ACE: variants seen among roughly 807,000 people sequenced by gnomAD.
ACE encodes angiotensin-converting enzyme.
Under a neutral mutation model 162.3 loss-of-function variants are expected in ACE, and 122 were observed. The ratio of observed to expected loss-of-function variants is 0.75; its 90% CI spans 0.65 to 0.87. The LOEUF is 0.87. ACE is among the 40% of genes least tolerant of loss of function. ACE has a pLI of 0.00. For missense variants in ACE, 1,799 were observed against 1,735.1 expected (o/e 1.04, Z -0.65); for synonymous variants, 796 against 720.6 (o/e 1.10, Z -1.68).
In ACE at chr17:63,497,553, C is replaced by T. The variant is rs1225743385; in HGVS notation, c.*187C>T. 3 of 705,586 alleles carry T rather than the reference C, an allele frequency of 4.3e-6. No homozygotes were observed. The African/African-American group carries it at 5.2e-5, about 12-fold the overall frequency. The allele number at this position is 705,586 out of a possible 1,614,324, so 43.7% of individuals were successfully genotyped here. ...CCCAGCCCCTTCTCCCAGCACACGG[C>T]TGCCTGACACTGAGCCCCACCTCTC... is the stretch of plus-strand genomic sequence containing the variant. On this transcript the variant is annotated 3_prime_UTR_variant, in exon 25 of 25. Transcript: ENST00000290866.
Position 63,488,737 on chromosome 17 carries a change from C to G in ACE, c.2395C>G (p.Leu799Val). The G allele has an allele frequency of 6.2e-7, 1 of 1,613,814 alleles. No individual in the cohort carries two copies. Among genetic ancestry groups the G allele is most frequent in the Non-Finnish European group, 8.5e-7 (1 of 1,179,980 alleles). ...GWRDKAGRAI[L>V]QFYPKYVELI... ...GCGAGACAAGGCGGGGAGAGCCATC[C>G]TCCAGTTTTACCCGAAATACGTGGA... The change falls in exon 16 of 25, where the codon CTC becomes GTC. Residue 799 changes from leucine to valine, a missense_variant. Transcript: ENST00000290866.
chr17:63,486,469 C>T (rs1196101130), intron 13 of ACE, 88 bp from the exon 14 acceptor site: 2 of 1,485,468 alleles, frequency 1.3e-6, no homozygotes, highest in South Asian at 1.2e-5. Context: ...ACCACCACCT[C>T]CAGCCCTCAG....
In ACE at chr17:63,484,283, C is replaced by T. The variant is rs2147538022; in HGVS notation, c.1710-47C>T. ...ATGTGGGCCGGGGTCCAGGAGCAGACTCCAGCCTGAGTCCCCTGTGCCCAT... is the reference window on the plus strand; with the variant it reads ...ATGTGGGCCGGGGTCCAGGAGCAGATTCCAGCCTGAGTCCCCTGTGCCCAT... On this transcript the variant is annotated intron_variant, in intron 11 of 24. Transcript: ENST00000290866. This position sits in a 1 kb window ranked among gnomAD's most constrained non-coding sequence, Gnocchi z 4.0. 2 of 1,577,342 alleles carry T rather than the reference C, an allele frequency of 1.3e-6. No individual in the cohort carries two copies. Among genetic ancestry groups the T allele is most frequent in the East Asian group, 2.3e-5 (1 of 43,290 alleles).
At chr17:63,494,614 A>G (rs919937190) in intron 22 of ACE, 144 bp downstream of exon 22, 1 of 724,994 alleles carries the variant, frequency 1.4e-6, no homozygotes, top group Non-Finnish European at 2.4e-6. Context: ...GCCTGGGCCC[A>G]CTCACACTGC....
chr17:63,485,277 G>T lies in ACE; in HGVS notation c.1963G>T (p.Glu655Ter), dbSNP rs1371611657. Residue 655 changes from glutamate to a stop codon, truncating the protein, a stop_gained, in exon 13 of 25, where the codon GAA (glutamate) becomes TAA (stop). Transcript: ENST00000290866. LOFTEE classifies it high-confidence loss of function. Reference sequence around the variant, plus strand: ...GGCTGAGGCCAGCAAGTTTGTGGAGGAATATGACCGGACATCCCAGGTGGT... The same window carrying T: ...GGCTGAGGCCAGCAAGTTTGTGGAGTAATATGACCGGACATCCCAGGTGGT... ...DEAEASKFVEEYDRTSQVVWN... is the reference protein window; with the variant it reads ...DEAEASKFVE 1 of 1,614,008 alleles carries T rather than the reference G, an allele frequency of 6.2e-7. No individual in the cohort carries two copies. The highest frequency in any genetic ancestry group is 8.5e-7 in the Non-Finnish European group (1 of 1,180,032).
chr17:63,485,894 C>A, intron 13 of ACE: 1 of 196,286 alleles, frequency 5.1e-6, no homozygotes, highest in Non-Finnish European at 1.1e-5. Context: ...TCACTTGAAG[C>A]CAGGAGTTGG....
At position 63,493,905 on chromosome 17, in the gene ACE, G is replaced by C; in HGVS notation, c.3137-17G>C. On this transcript the variant is annotated splice_polypyrimidine_tract_variant and intron_variant, in intron 20 of 24. Coordinates refer to ENST00000290866, the MANE Select transcript of ACE (RefSeq NM_000789.4). Reference sequence around the variant, plus strand: ...CTAGGACCCTGGGTCTGACAGCTGGGCTCCCTTCCCTTGCAGAGCATGACA... The same window carrying C: ...CTAGGACCCTGGGTCTGACAGCTGGCCTCCCTTCCCTTGCAGAGCATGACA... 2 of 1,614,180 alleles carry C rather than the reference G, an allele frequency of 1.2e-6. No individual in the cohort carries two copies. The highest frequency in any genetic ancestry group is 1.7e-6 in the Non-Finnish European group (2 of 1,180,030).
rs746977732 is a variant in ACE at position 63,493,529 on chromosome 17, ACCTGTGGCCTTGAGGGAGGGTGCC to A, written c.3007_3030del (p.Pro1003_Ala1010del). The A allele has an allele frequency of 6.2e-7, 1 of 1,613,972 alleles. No homozygotes were observed. Among genetic ancestry groups the A allele is most frequent in the South Asian group, 1.1e-5 (1 of 91,080 alleles). Reference sequence around the variant, plus strand: ...AGTATTTCATGCAGTACAAAGACTTACCTGTGGCCTTGAGGGAGGGTGCCAACCCCGGCTTCCATGAGGCCATTG... The same window carrying A: ...AGTATTTCATGCAGTACAAAGACTTAAACCCCGGCTTCCATGAGGCCATTG... On this transcript the variant is annotated inframe_deletion, in exon 20 of 25. Transcript: ENST00000290866.
At position 63,496,939 on chromosome 17, in the gene ACE, T is replaced by C. The variant is rs144312383; in HGVS notation, c.3645T>C (p.His1215=). 16 of 1,613,116 alleles carry C rather than the reference T, an allele frequency of 9.9e-6. No individual in the cohort carries two copies. Among genetic ancestry groups the C allele is most frequent in the African/African-American group, 2.7e-5 (2 of 74,902 alleles). ...LDWLRTENEL[H]GEKLGWPQYN... is the part of the protein sequence containing the mutation. Reference sequence around the variant, plus strand: ...GGCTCCGCACGGAGAACGAGCTGCATGGGGAGAAGCTGGGCTGGCCGCAGT... The same window carrying C: ...GGCTCCGCACGGAGAACGAGCTGCACGGGGAGAAGCTGGGCTGGCCGCAGT... The change falls in exon 24 of 25, where the codon CAT becomes CAC. Residue 1215 remains histidine (H), a synonymous_variant. Coordinates refer to ENST00000290866, the MANE Select transcript of ACE (RefSeq NM_000789.4).
chr17:63,488,360 GAAAAAAA>G (rs561946751), intron 15 of ACE, among the ~76,000 whole-genome samples: 1 of 98,428 alleles, frequency 1.0e-5, no homozygotes, highest in Non-Finnish European at 2.0e-5. Context: ...CCCTGTCTCA[GAAAAAAA>G]AAAAAAAAAA....
At chr17:63,486,820 G>C in intron 14 of ACE, 105 bp downstream of exon 14, 1 of 1,537,440 alleles carries the variant, frequency 6.5e-7, no homozygotes, top group South Asian at 1.1e-5. Flanking sequence ...GTTGTATCAA[G>C]TCATGGCATC....
In ACE at chr17:63,497,952, C is replaced by T. The variant is rs74979666; in HGVS notation, c.*586C>T. 2 of 208,294 alleles carry T rather than the reference C, an allele frequency of 9.6e-6. No individual in the cohort carries two copies. Among genetic ancestry groups the T allele is most frequent in the Admixed American group, 5.4e-5 (1 of 18,656 alleles). The allele number at this position is 208,294 out of a possible 1,614,324, so 12.9% of individuals were successfully genotyped here. On this transcript the variant is annotated 3_prime_UTR_variant, in exon 25 of 25. Coordinates refer to ENST00000290866, the MANE Select transcript of ACE (RefSeq NM_000789.4). The stretch of plus-strand genomic sequence containing the variant: ...TTCCCTGCTCCACAAATGGCCAGGT[C>T]CCCCCAGGGGAAGGCTTCCGGCTGT...
chr17:63,497,078 C>T (rs529929041), intron 24 of ACE, 59 bp from the exon 25 acceptor site: 17 of 1,588,428 alleles, frequency 1.1e-5, no homozygotes, highest in Middle Eastern at 2.2e-4. Context: ...GGCCCTGCCC[C>T]GCACCCTTGC....
chr17:63,480,220 T>C, intron 4 of ACE, 117 bp from the exon 5 acceptor site: 1 of 1,179,118 alleles, frequency 8.5e-7, no homozygotes, highest in Non-Finnish European at 1.2e-6. Flanking sequence ...CCCAAGCCAA[T>C]TTTCCAGCTA....
At chr17:63,480,658 GTT>G in intron 5 of ACE, 130 bp downstream of exon 5, 1 of 1,045,674 alleles carries the variant, frequency 9.6e-7, no homozygotes, top group Non-Finnish European at 1.5e-6. Flanking sequence ...GCATCATACT[GTT>G]TGCTTCACAT....
Position 63,496,444 on chromosome 17 carries a change from A to C in ACE, c.3431A>C (p.Gln1144Pro), listed in dbSNP as rs775709106. ...IQFQFHEALC[Q>P]AAGHTGPLHK... ...TTCCAGTTCCACGAGGCACTGTGCC[A>C]GGCAGCTGGCCACACGGGCCCCCTG... The change falls in exon 23 of 25, where the codon CAG (glutamine) becomes CCG (proline). Residue 1144 changes from glutamine (Q) to proline (P), a missense_variant. Physicochemically the swap from Gln to Pro is moderately conservative, Grantham distance 76 (BLOSUM62 -1). Transcript: ENST00000290866. 2 of 1,614,216 alleles carry C rather than the reference A, an allele frequency of 1.2e-6. No homozygotes were observed. Among genetic ancestry groups the C allele is most frequent in the Non-Finnish European group, 1.7e-6 (2 of 1,180,034 alleles).
chr17:63,479,711 GC>G, intron 3 of ACE, 57 bp from the exon 4 acceptor site: 1 of 1,601,766 alleles, frequency 6.2e-7, no homozygotes, highest in South Asian at 1.1e-5. Flanking sequence ...TCTGGTGAAG[GC>G]CGTTGAAGAC....
intron 10 of ACE, 61 bp downstream of exon 10, chr17:63,483,619 C>T (rs1198683646): frequency 1.2e-5 from 16 of 1,369,132 alleles, no homozygotes; most frequent in Non-Finnish European, 1.6e-5. Context: ...CACTTCTCCT[C>T]CTGTGATCCT....
In ACE at chr17:63,484,336, GC is replaced by G; in HGVS notation, c.1717del (p.Leu573CysfsTer13). ...TKAGAKLRKV[L>X]QAGSSRPWQE... Reference sequence around the variant, plus strand: ...TACCCACTCTGCCCACCAGGAAGGTGCTGCAGGCTGGCTCCTCCAGGCCCTG... The same window carrying G: ...TACCCACTCTGCCCACCAGGAAGGTGTGCAGGCTGGCTCCTCCAGGCCCTG... On this transcript the variant is annotated frameshift_variant, in exon 12 of 25. Transcript: ENST00000290866. LOFTEE classifies it high-confidence loss of function. This position sits in a 1 kb window ranked among gnomAD's most constrained non-coding sequence, Gnocchi z 4.0. 1 of 1,610,336 alleles carries G rather than the reference GC, an allele frequency of 6.2e-7. No individual in the cohort carries two copies. The highest frequency in any genetic ancestry group is 8.5e-7 in the Non-Finnish European group (1 of 1,179,714).
Sources: allele counts gnomAD v4.1 joint callset (sites outside exome capture counted in the v4.1 genomes callset), GRCh38; gene constraint gnomAD v4.1.1; non-coding constraint Gnocchi (gnomAD v3.1); transcripts MANE v1.5; gene names NCBI Gene and HGNC (gene_info 2026-07-23, HGNC 2026-07-21).